The following VARS2 variants were observed in gnomAD, a reference collection of about 807,000 sequenced individuals.
The protein encoded by VARS2 is valine--tRNA ligase, mitochondrial.
A neutral mutation model predicts 154.1 loss-of-function variants in VARS2; 105 were observed. The ratio of observed to expected loss-of-function variants is 0.68; its 90% CI spans 0.58 to 0.80. The LOEUF (loss-of-function observed/expected upper bound fraction) is 0.80, where lower values mean the gene tolerates loss of function less well. VARS2 is among the 30% of genes least tolerant of loss of function. The pLI is 0.00. For synonymous variants in VARS2, 483 were observed against 539.5 expected, an observed-to-expected ratio of 0.90 and a Z score of 1.45; for missense variants, 1,157 against 1,361.4, an observed-to-expected ratio of 0.85 and a Z score of 2.36.
chr6:30,914,299 G>A lies in VARS2; in HGVS notation c.-73G>A. On this transcript the variant is annotated 5_prime_UTR_variant, in exon 1 of 30. Transcript: ENST00000676266. ...AGGGTCGGGTTTGGTGGATTCCTCA[G>A]TCCCTGCCGCCGCGGGGCGCCCTGG... 2 of 1,091,050 alleles carry A rather than the reference G, an allele frequency of 1.8e-6. No homozygotes were observed. The highest frequency in any genetic ancestry group is 3.2e-5 in the African/African-American group (2 of 61,790). 67.6% of individuals were successfully genotyped at this position (1,091,050 alleles called of 1,614,324 possible). A position where few individuals can be genotyped will look rare whatever the true frequency, so the allele number is the denominator to read the frequency against.
Position 30,922,070 on chromosome 6 carries a change from AG to A in VARS2, c.1807-40del, listed in dbSNP as rs1007612097. 5 of 1,611,466 alleles carry A rather than the reference AG, an allele frequency of 3.1e-6. No homozygotes were observed. The African/African-American group carries it at 5.4e-5, about 17-fold the overall frequency. On this transcript the variant is annotated intron_variant, in intron 19 of 29. Transcript: ENST00000676266. ...ATGGCTGGGCCCCCACAGAGGCTTGAGGGGGGCCTGGGGCCTGGGCCTCTTA... is the reference window on the plus strand; with the variant it reads ...ATGGCTGGGCCCCCACAGAGGCTTGAGGGGGCCTGGGGCCTGGGCCTCTTA...
chr6:30,920,633 G>T lies in VARS2; in HGVS notation c.1398-35G>T. ...TGCCCCTGGGAGAAGTCACAGGGCCGGAAGAGCAGTGGACTCACCCTGTCT... is the reference window on the plus strand; with the variant it reads ...TGCCCCTGGGAGAAGTCACAGGGCCTGAAGAGCAGTGGACTCACCCTGTCT... On this transcript the variant is annotated intron_variant, in intron 14 of 29. Coordinates refer to ENST00000676266, the MANE Select transcript of VARS2 (RefSeq NM_020442.6). The surrounding 1 kb of genome is among the most constrained non-coding windows in gnomAD (Gnocchi z 4.6). 2 of 1,498,908 alleles carry T rather than the reference G, an allele frequency of 1.3e-6. No individual in the cohort carries two copies. The highest frequency in any genetic ancestry group is 1.8e-6 in the Non-Finnish European group (2 of 1,111,632). The allele number at this position is 1,498,908 out of a possible 1,614,324, so 92.9% of individuals were successfully genotyped here. A position where few individuals can be genotyped will look rare whatever the true frequency, so the allele number is the denominator to read the frequency against.
rs1794202733 is a variant in VARS2 at position 30,916,798 on chromosome 6, C to T, written c.672-80C>T. ...CACTTGATTTTCCTCCAACACCTGG[C>T]ATTGCTGGGGGCATCGCTGGGCCTG... On this transcript the variant is annotated intron_variant, in intron 7 of 29. Coordinates refer to ENST00000676266, the MANE Select transcript of VARS2 (RefSeq NM_020442.6). This position sits in a 1 kb window ranked among gnomAD's most constrained non-coding sequence, Gnocchi z 4.0. 6 of 1,411,604 alleles carry T rather than the reference C, an allele frequency of 4.3e-6. No individual in the cohort carries two copies. Among genetic ancestry groups the T allele is most frequent in the Non-Finnish European group, 6.0e-6 (6 of 996,704 alleles). The allele number at this position is 1,411,604 out of a possible 1,614,324, so 87.4% of individuals were successfully genotyped here.
rs1294776784 is a variant in VARS2 at position 30,917,898 on chromosome 6, T to C, written c.985+92T>C. The C allele has an allele frequency of 7.8e-7, 1 of 1,289,546 alleles. No homozygotes were observed. Among genetic ancestry groups the C allele is most frequent in the Non-Finnish European group, 1.1e-6 (1 of 915,294 alleles). The allele number at this position is 1,289,546 out of a possible 1,614,324, so 79.9% of individuals were successfully genotyped here. On this transcript the variant is annotated intron_variant, in intron 10 of 29. Transcript: ENST00000676266. This position sits in a 1 kb window ranked among gnomAD's most constrained non-coding sequence, Gnocchi z 4.4. ...GGGCTGCTAGGAACCCATCAGTCCATCTCTCACATGTACCTTGGTAGTGTT... is the reference window on the plus strand; with the variant it reads ...GGGCTGCTAGGAACCCATCAGTCCACCTCTCACATGTACCTTGGTAGTGTT...
Position 30,920,407 on chromosome 6 carries a change from G to C in VARS2, c.1368G>C (p.Gln456His). The C allele has an allele frequency of 6.2e-7, 1 of 1,612,570 alleles. No individual in the cohort carries two copies. The highest frequency in any genetic ancestry group is 8.5e-7 in the Non-Finnish European group (1 of 1,179,426). ...LSEWGLFRGL[Q>H]NHPMVLPICS... ...AATGGGGCCTGTTCCGGGGCCTCCA[G>C]AACCACCCCATGGTACTGCCCATCT... The change falls in exon 14 of 30, where the codon CAG (glutamine) becomes CAC (histidine). Residue 456 changes from glutamine (Q) to histidine (H), a missense_variant. Gln to His is a conservative substitution (Grantham distance 24). Transcript: ENST00000676266. This position sits in a 1 kb window ranked among gnomAD's most constrained non-coding sequence, Gnocchi z 4.6.
Position 30,923,477 on chromosome 6 carries a change from G to C in VARS2, c.2438G>C (p.Trp813Ser), listed in dbSNP as rs1243856969. 6.2e-7 allele frequency: 1 copy of C among 1,611,712 alleles called. No individual in the cohort carries two copies. The highest frequency in any genetic ancestry group is 2.2e-5 in the East Asian group (1 of 44,892). ...SLVTHALHHF[W>S]LHNLCDVYLE... ...GTCACTCATGCCCTGCACCACTTCTGGCTTCACAACCTCTGTGACGTCTAC... is the reference window on the plus strand; with the variant it reads ...GTCACTCATGCCCTGCACCACTTCTCGCTTCACAACCTCTGTGACGTCTAC... Residue 813 changes from tryptophan to serine, a missense_variant, in exon 25 of 30, where the codon TGG (tryptophan) becomes TCG (serine). By Grantham distance (177) the Trp-to-Ser change is radical. Coordinates refer to ENST00000676266, the MANE Select transcript of VARS2 (RefSeq NM_020442.6).
At chr6:30,922,797 C>T (rs768517499) in intron 22 of VARS2, 23 bp downstream of exon 22, 1 of 1,596,828 alleles carries the variant, frequency 6.3e-7, no homozygotes, top group Non-Finnish European at 8.6e-7. Context: ...TGCCTGCCCC[C>T]CACCAGCTCT....
At position 30,915,353 on chromosome 6, in the gene VARS2, A is replaced by G. The variant is rs1794087473; in HGVS notation, c.284-2A>G. ...TAGTGGAGCTCTCCTCTGCCTTCAC[A>G]GATGTCTCTGGGCCCCTGCCTCCTG... On this transcript the variant is annotated splice_acceptor_variant, in intron 3 of 29. Coordinates refer to ENST00000676266, the MANE Select transcript of VARS2 (RefSeq NM_020442.6). LOFTEE classifies it high-confidence loss of function. 6.2e-7 allele frequency: 1 copy of G among 1,614,084 alleles called. No individual in the cohort carries two copies. The highest frequency in any genetic ancestry group is 8.5e-7 in the Non-Finnish European group (1 of 1,180,034).
rs569393069 is a variant in VARS2, at chr6:30,921,302, G to A, written c.1629G>A (p.Ala543=). Reference sequence around the variant, plus strand: ...CCTACCTGGTTGTAGAGGACCATGCGCAGGTGGGTAGGAAGAAGCACCCGG... The same window carrying A: ...CCTACCTGGTTGTAGAGGACCATGCACAGGTGGGTAGGAAGAAGCACCCGG... The part of the protein sequence containing the change: ...IPAYLVVEDH[A]QGEEDCWVVG... The change falls in exon 17 of 30, where the codon GCG becomes GCA. Residue 543 remains alanine, a synonymous_variant. Transcript: ENST00000676266. This position sits in a 1 kb window ranked among gnomAD's most constrained non-coding sequence, Gnocchi z 4.6. 214 of 1,614,128 alleles carry A rather than the reference G, an allele frequency of 1.3e-4. 2 individuals are homozygous for A. In the South Asian group the frequency reaches 2.3e-3, roughly 17 times the overall value.
At chr6:30,915,665 T>G in intron 4 of VARS2, 81 bp from the exon 5 acceptor site, 1 of 1,581,596 alleles carries the variant, frequency 6.3e-7, no homozygotes, top group Non-Finnish European at 8.6e-7. Flanking sequence ...CTTGAAGTTC[T>G]TTCTGTTCTG....
chr6:30,915,261 C>G, intron 3 of VARS2, 24 bp downstream of exon 3: 1 of 1,613,336 alleles, frequency 6.2e-7, no homozygotes, highest in Non-Finnish European at 8.5e-7. Context: ...GTAAGAAGGC[C>G]TTTTCTTTCA....
chr6:30,917,048 G>C lies in VARS2; in HGVS notation c.754-57G>C. 6.2e-7 allele frequency: 1 copy of C among 1,613,932 alleles called. No homozygotes were observed. The highest frequency in any genetic ancestry group is 1.1e-5 in the South Asian group (1 of 91,062). On this transcript the variant is annotated intron_variant, in intron 8 of 29. Transcript: ENST00000676266. This position sits in a 1 kb window ranked among gnomAD's most constrained non-coding sequence, Gnocchi z 4.4. The stretch of plus-strand genomic sequence containing the variant: ...GGGAGGAAGCAATGCCTGGGTCCCT[G>C]AGCAGGGTGATGGGCTGAGAAGTGG...
chr6:30,919,963 G>A lies in VARS2; in HGVS notation c.1165+115G>A. 6.8e-7 allele frequency: 1 copy of A among 1,467,882 alleles called. No homozygotes were observed. The highest frequency in any genetic ancestry group is 9.1e-7 in the Non-Finnish European group (1 of 1,099,320). 90.9% of individuals were successfully genotyped at this position (1,467,882 alleles called of 1,614,324 possible). On this transcript the variant is annotated intron_variant, in intron 12 of 29. Transcript: ENST00000676266. This position sits in a 1 kb window ranked among gnomAD's most constrained non-coding sequence, Gnocchi z 4.5. ...ATCCTCATATAGGGTGGTCTGAGTG[G>A]GGAATGGGAGGGAGGCACAGACAGA...
Position 30,920,312 on chromosome 6 carries a change from C to T in VARS2, c.1294-21C>T, listed in dbSNP as rs1329977362. On this transcript the variant is annotated intron_variant, in intron 13 of 29. Transcript: ENST00000676266. The surrounding 1 kb of genome is among the most constrained non-coding windows in gnomAD (Gnocchi z 4.6). ...TTTCTCTAGAGGCCTTCAGTCTTTACTCTTGCCGCTTTTTCTCCAGGGTCT... is the reference window on the plus strand; with the variant it reads ...TTTCTCTAGAGGCCTTCAGTCTTTATTCTTGCCGCTTTTTCTCCAGGGTCT... The T allele has an allele frequency of 1.3e-6, 2 of 1,599,362 alleles. No individual in the cohort carries two copies. The highest frequency in any genetic ancestry group is 1.3e-5 in the African/African-American group (1 of 74,290).
intron 26 of VARS2, 61 bp downstream of exon 26, chr6:30,924,621 G>A: frequency 2.2e-6 from 2 of 901,020 alleles, no homozygotes; most frequent in Non-Finnish European, 3.4e-6. Flanking sequence ...CCTTCTGAAG[G>A]GGTTTGCTGC....
Position 30,925,587 on chromosome 6 carries a change from G to A in VARS2, c.2829G>A (p.Glu943=). Residue 943 remains glutamate, a synonymous_variant, in exon 28 of 30, where the codon GAG becomes GAA. Coordinates refer to ENST00000676266, the MANE Select transcript of VARS2 (RefSeq NM_020442.6). ...AGCCTGGGGACCAGGGCCTCTTCGA[G>A]GCCTTCTTGGAGCCCCTGGGCACCC... ...SSEPGDQGLF[E]AFLEPLGTLG... is the part of the protein sequence containing the mutation. 6.2e-7 allele frequency: 1 copy of A among 1,609,308 alleles called. No homozygotes were observed. Among genetic ancestry groups the A allele is most frequent in the Non-Finnish European group, 8.5e-7 (1 of 1,178,838 alleles).
At chr6:30,924,646 C>T (rs1794733450) in intron 26 of VARS2, 86 bp downstream of exon 26, 1 of 724,638 alleles carries the variant, frequency 1.4e-6, no homozygotes, top group Non-Finnish European at 2.3e-6. Flanking sequence ...GGCTCATCTG[C>T]AGGAATGGTT....
rs1794655433 is a variant in VARS2 at position 30,923,380 on chromosome 6, T to TG, written c.2343dup (p.Ile782AspfsTer13). ...GTCTCCCTCCTCCCCGATGGATGCCTGGATCCTGAGCCGCCTTGCCCTGGC... is the reference window on the plus strand; with the variant it reads ...GTCTCCCTCCTCCCCGATGGATGCCTGGGATCCTGAGCCGCCTTGCCCTGGC... On this transcript the variant is annotated frameshift_variant, in exon 25 of 30. Transcript: ENST00000676266. LOFTEE classifies it high-confidence loss of function. The TG allele has an allele frequency of 2.5e-6, 4 of 1,611,772 alleles. No individual in the cohort carries two copies. Among genetic ancestry groups the TG allele is most frequent in the Non-Finnish European group, 3.4e-6 (4 of 1,179,514 alleles).
intron 28 of VARS2, 78 bp from the exon 29 acceptor site, chr6:30,925,802 G>A: frequency 1.2e-6 from 2 of 1,611,044 alleles, no homozygotes; most frequent in Non-Finnish European, 1.7e-6. Context: ...TATAAAGTAG[G>A]GGAAGGGACC....
Sources: gnomAD v4.1 joint callset for allele counts on GRCh38, gnomAD v4.1.1 for gene constraint, Gnocchi (gnomAD v3.1) non-coding constraint, MANE v1.5 for transcripts, NCBI Gene and HGNC (gene_info 2026-07-23, HGNC 2026-07-21) for gene names.